CWC27: variants seen among roughly 807,000 people sequenced by gnomAD.
CWC27 encodes the protein spliceosome-associated protein CWC27 homolog.
Under a neutral mutation model 63.6 loss-of-function variants are expected in CWC27, and 47 were observed. That is an observed-to-expected ratio of 0.74 (90% confidence interval 0.58 to 0.94). CWC27 has a LOEUF of 0.94. Among genes scored for constraint, CWC27 ranks in the 40% least tolerant of loss-of-function variants. The probability of loss-of-function intolerance (pLI) is 0.00; values close to 1 mark genes in which losing one functional copy is unlikely to be tolerated. For missense variants in CWC27, 495 were observed against 554.3 expected, an observed-to-expected ratio of 0.89 and a Z score of 1.07; for synonymous variants, 175 against 179.8, an observed-to-expected ratio of 0.97 and a Z score of 0.22.
intron 11 of CWC27, among the ~76,000 whole-genome samples, chr5:64,902,812 T>C (rs1747539388): frequency 6.6e-6 from 1 of 152,216 alleles, no homozygotes; most frequent in Non-Finnish European, 1.5e-5. Context: ...TTGAAGAAAA[T>C]TGACATCTTA....
intron 10 of CWC27, chr5:64,808,446 T>C (rs1421647364): frequency 1.6e-6 from 1 of 634,646 alleles, no homozygotes; most frequent in East Asian, 1.4e-4. Flanking sequence ...ACTGTAACTT[T>C]CTTGAAGGTA....
intron 11 of CWC27, among the ~76,000 whole-genome samples, chr5:64,929,245 A>C (rs913426818): frequency 6.6e-6 from 1 of 152,168 alleles, no homozygotes; most frequent in African/African-American, 2.4e-5. Flanking sequence ...AATCAGTGGC[A>C]ATGAGTACAT....
chr5:64,806,570 G>A (rs1027503245), intron 10 of CWC27, among the ~76,000 whole-genome samples: 1 of 152,142 alleles, frequency 6.6e-6, no homozygotes, highest in African/African-American at 2.4e-5. Flanking sequence ...GAAAAATAAG[G>A]TCAGGATAGA....
intron 10 of CWC27, among the ~76,000 whole-genome samples, chr5:64,881,166 G>T (rs998347524): frequency 1.3e-5 from 2 of 151,926 alleles, no homozygotes; most frequent in African/African-American, 2.4e-5. Context: ...TGCTTGAATG[G>T]TCTCAAAGAT....
intron 10 of CWC27, among the ~76,000 whole-genome samples, chr5:64,822,432 C>T (rs191431066): frequency 2.6e-5 from 4 of 152,236 alleles, no homozygotes; most frequent in Admixed American, 6.5e-5. Flanking sequence ...AGGAAGTCTG[C>T]ATGTATGCAA....
At chr5:64,835,378 C>T (rs1447303344) in intron 10 of CWC27, among the ~76,000 whole-genome samples, 1 of 151,730 alleles carries the variant, frequency 6.6e-6, no homozygotes, top group Non-Finnish European at 1.5e-5. Flanking sequence ...ACATGGATGT[C>T]CATAAAGCAA....
chr5:64,812,218 T>C (rs1299443206), intron 10 of CWC27, among the ~76,000 whole-genome samples: 1 of 152,030 alleles, frequency 6.6e-6, no homozygotes, highest in East Asian at 1.9e-4. Flanking sequence ...TAAATGATAG[T>C]ACAAATTAAA....
At chr5:64,827,178 A>G (rs1023493701) in intron 10 of CWC27, among the ~76,000 whole-genome samples, 1 of 152,178 alleles carries the variant, frequency 6.6e-6, no homozygotes, top group Non-Finnish European at 1.5e-5. Flanking sequence ...TTCATTTAAC[A>G]CAAAATTGTA....
At chr5:64,823,954 A>G (rs1745286626) in intron 10 of CWC27, among the ~76,000 whole-genome samples, 1 of 152,218 alleles carries the variant, frequency 6.6e-6, no homozygotes. Context: ...ATATTTGAGA[A>G]CATCCTGTTT....
chr5:64,851,488 G>A (rs937892542), intron 10 of CWC27, among the ~76,000 whole-genome samples: 6 of 152,134 alleles, frequency 3.9e-5, no homozygotes, highest in African/African-American at 7.2e-5. Flanking sequence ...GCACAGCATC[G>A]TTAATGTAGT....
rs550285147 is a variant in CWC27 at position 65,012,620 on chromosome 5, T to C, written c.1257-5539T>C. ...TAAAAGCCCCCAGATGTTTTTTGAA[T>C]GAATAATTGAGTCTAGCTCATTGCC... is the stretch of plus-strand genomic sequence containing the variant. On this transcript the variant is annotated intron_variant, in intron 13 of 13. Coordinates refer to ENST00000381070, the MANE Select transcript of CWC27 (RefSeq NM_005869.4). Among the ~76,000 whole-genome samples, 25 of 152,354 alleles carry C rather than the reference T, an allele frequency of 1.6e-4. No homozygotes were observed. The South Asian group carries it at 3.5e-3, about 21-fold the overall frequency.
intron 10 of CWC27, among the ~76,000 whole-genome samples, chr5:64,866,731 C>T (rs559306603): frequency 6.6e-6 from 1 of 152,098 alleles, no homozygotes; most frequent in Non-Finnish European, 1.5e-5. Flanking sequence ...CTATTATTGA[C>T]TTCTAATTTC....
chr5:64,785,564 AATAAAAAGCTGTGAG>A lies in CWC27; in HGVS notation c.481_495del (p.Ile161_Glu165del). ...ACGAAAGACCACATAATCCACACAAAATAAAAAGCTGTGAGGTAGGAGCATGATTATTACGAGATA... is the reference window on the plus strand; with the variant it reads ...ACGAAAGACCACATAATCCACACAAAGTAGGAGCATGATTATTACGAGATA... On this transcript the variant is annotated inframe_deletion and splice_region_variant, in exon 5 of 14. Transcript: ENST00000381070. 1 of 1,592,954 alleles carries A rather than the reference AATAAAAAGCTGTGAG, an allele frequency of 6.3e-7. No individual in the cohort carries two copies. Among genetic ancestry groups the A allele is most frequent in the Non-Finnish European group, 8.5e-7 (1 of 1,171,246 alleles).
intron 11 of CWC27, among the ~76,000 whole-genome samples, chr5:64,889,992 C>G (rs1747187997): frequency 1.3e-5 from 2 of 152,276 alleles, no homozygotes; most frequent in African/African-American, 2.4e-5. Context: ...AATCATGTCT[C>G]TAAGTCTTTT....
At position 64,915,859 on chromosome 5, in the gene CWC27, A is replaced by G. The variant is rs564616507; in HGVS notation, c.1042+30313A>G. Among the ~76,000 whole-genome samples, 60 of 152,326 alleles carry G rather than the reference A, an allele frequency of 3.9e-4. 1 individual carries two copies. Among genetic ancestry groups the G allele is most frequent in the Admixed American group, 3.5e-3 (54 of 15,298 alleles). On this transcript the variant is annotated intron_variant, in intron 11 of 13. Transcript: ENST00000381070. ...CCATTTTACAAATAAGAAAACCTGT[A>G]TCATGGAGAGAGTGATTTGATTATG...
chr5:65,004,537 T>C (rs936702095), intron 13 of CWC27, among the ~76,000 whole-genome samples: 1 of 151,004 alleles, frequency 6.6e-6, no homozygotes, highest in African/African-American at 2.4e-5. Flanking sequence ...TTAGACTTTC[T>C]GTTTGATACT....
At chr5:64,993,855 T>C (rs954427978) in intron 13 of CWC27, among the ~76,000 whole-genome samples, 1 of 152,232 alleles carries the variant, frequency 6.6e-6, no homozygotes, top group Admixed American at 6.5e-5. Flanking sequence ...GTTGCCCTTA[T>C]ACACTGGCAA....
At chr5:64,965,574 G>C (rs772498539) in intron 11 of CWC27, among the ~76,000 whole-genome samples, 5 of 152,102 alleles carry the variant, frequency 3.3e-5, no homozygotes, top group Non-Finnish European at 7.4e-5. Flanking sequence ...GAAGCCTTGT[G>C]AAACAAGAGT....
At chr5:64,794,996 C>T (rs1471805262) in intron 7 of CWC27, among the ~76,000 whole-genome samples, 5 of 152,154 alleles carry the variant, frequency 3.3e-5, no homozygotes, top group African/African-American at 1.2e-4. Context: ...GCATTTCTTT[C>T]CTACAAGACG....
Sources: gnomAD v4.1 joint callset for allele counts (sites outside exome capture counted in the v4.1 genomes callset) on GRCh38, gnomAD v4.1.1 for gene constraint, MANE v1.5 for transcripts, NCBI Gene and HGNC (gene_info 2026-07-23, HGNC 2026-07-21) for gene names.